Variants in TMEM67 observed in about 807,000 individuals in gnomAD.
The protein encoded by TMEM67 is meckelin.
TMEM67 carries 124 observed loss-of-function variants against 136.6 expected under a neutral mutation model. The observed-to-expected ratio is 0.91, with a 90% CI of 0.78 to 1.05. The LOEUF (loss-of-function observed/expected upper bound fraction) is 1.05, where lower values mean the gene tolerates loss of function less well. TMEM67 is among the 50% of genes least tolerant of loss of function. TMEM67 has a pLI of 0.00. For missense variants in TMEM67, 1,107 were observed against 1,178.4 expected (o/e 0.94, Z 0.89); for synonymous variants, 364 against 390.5 (o/e 0.93, Z 0.80).
chr8:93,755,264 C>CCCGCCT (rs1160901622), intron 1 of TMEM67, 127 bp downstream of exon 1: 28 of 915,666 alleles, frequency 3.1e-5, no homozygotes, highest in Non-Finnish European at 4.6e-5. Flanking sequence ...AGGTGATCCA[C>CCCGCCT]CCGCCTCCGC....
chr8:93,795,151 C>T, intron 16 of TMEM67: 1 of 536,376 alleles, frequency 1.9e-6, no homozygotes, highest in Non-Finnish European at 3.3e-6. Context: ...AATTAGGAAG[C>T]AGTTCAATTT....
chr8:93,814,687 A>G (rs1472087387), intron 26 of TMEM67, among the ~76,000 whole-genome samples: 10 of 139,816 alleles, frequency 7.2e-5, no homozygotes, highest in African/African-American at 2.7e-4. Context: ...GAGTCTGACT[A>G]TGTTGCCTAG....
chr8:93,773,783 A>G (rs1813419466), intron 7 of TMEM67, among the ~76,000 whole-genome samples: 1 of 152,206 alleles, frequency 6.6e-6, no homozygotes, highest in Admixed American at 6.5e-5. Context: ...TGTAAGATCT[A>G]ACATACAAAT....
At chr8:93,774,518 C>A (rs988213594) in intron 7 of TMEM67, among the ~76,000 whole-genome samples, 7 of 152,140 alleles carry the variant, frequency 4.6e-5, no homozygotes, top group Admixed American at 3.9e-4. Flanking sequence ...CCCAGTCCCC[C>A]ACCCAAAGAC....
intron 3 of TMEM67, among the ~76,000 whole-genome samples, chr8:93,760,445 AG>A (rs1812777902): frequency 6.6e-6 from 1 of 152,202 alleles, no homozygotes; most frequent in South Asian, 2.1e-4. Context: ...GAAAACACCC[AG>A]GTTGGGTTTC....
Position 93,804,310 on chromosome 8 carries a change from C to CTTTTTTTT in TMEM67, c.2323-437_2323-430dup, listed in dbSNP as rs1182297223. Among the ~76,000 whole-genome samples, 4 of 93,810 alleles carry CTTTTTTTT rather than the reference C, an allele frequency of 4.3e-5. 1 individual carries two copies. The highest frequency in any genetic ancestry group is 1.2e-4 in the African/African-American group (3 of 24,508). 61.5% of individuals were successfully genotyped at this position (93,810 alleles called of 152,430 possible). A position where few individuals can be genotyped will look rare whatever the true frequency, so the allele number is the denominator to read the frequency against. On this transcript the variant is annotated intron_variant, in intron 22 of 27. Coordinates refer to ENST00000453321, the MANE Select transcript of TMEM67 (RefSeq NM_153704.6). ...TTTCTTTTCTTTTCTCTTTTCTTTTCTTTTTTTTTTTTTTTTTTTTTTGAG... is the reference window on the plus strand; with the variant it reads ...TTTCTTTTCTTTTCTCTTTTCTTTTCTTTTTTTTTTTTTTTTTTTTTTTTTTTTTTGAG...
the TMEM67 span, among the ~76,000 whole-genome samples, chr8:93,831,044 C>T: frequency 3.3e-5 from 5 of 152,252 alleles, no homozygotes; most frequent in Non-Finnish European, 4.4e-5. Flanking sequence ...ACCCACAGCA[C>T]ATCTGGTATA....
chr8:93,783,281 C>T (rs1041995444), intron 11 of TMEM67, among the ~76,000 whole-genome samples: 2 of 152,148 alleles, frequency 1.3e-5, no homozygotes, highest in Admixed American at 6.5e-5. Context: ...CCACCTCGTC[C>T]GGCCTAGAGT....
At position 93,797,201 on chromosome 8, in the gene TMEM67, G is replaced by A. The variant is rs776677392; in HGVS notation, c.1928G>A (p.Arg643Gln). The change falls in exon 19 of 28, where the codon CGA becomes CAA. Residue 643 changes from arginine (R) to glutamine (Q), a missense_variant. Coordinates refer to ENST00000453321, the MANE Select transcript of TMEM67 (RefSeq NM_153704.6). Reference sequence around the variant, plus strand: ...GATGTATTCTTTATTGATTGGGAGCGACCTAAAGGAAAGGTTCTTAAAGCT... The same window carrying A: ...GATGTATTCTTTATTGATTGGGAGCAACCTAAAGGAAAGGTTCTTAAAGCT... Reference protein sequence around the residue: ...TIDVFFIDWERPKGKVLKAVE... With the variant: ...TIDVFFIDWEQPKGKVLKAVE... 4.2e-5 allele frequency: 68 copies of A among 1,613,200 alleles called. No individual in the cohort carries two copies. In the Admixed American group the frequency reaches 9.2e-4, roughly 22 times the overall value.
At chr8:93,758,609 A>G in intron 3 of TMEM67, 33 bp downstream of exon 3, 2 of 1,481,088 alleles carry the variant, frequency 1.4e-6, no homozygotes, top group Non-Finnish European at 1.9e-6. Context: ...AGAAGTAGTG[A>G]TAAATCTTCA....
At chr8:93,805,204 C>T (rs992839353) in intron 23 of TMEM67, among the ~76,000 whole-genome samples, 3 of 152,114 alleles carry the variant, frequency 2.0e-5, no homozygotes, top group Non-Finnish European at 4.4e-5. Flanking sequence ...ATCCTGACCT[C>T]AGGTGATCCA....
In TMEM67 at chr8:93,765,394, T is replaced by C; in HGVS notation, c.507-12T>C. On this transcript the variant is annotated splice_polypyrimidine_tract_variant and intron_variant, in intron 4 of 27. Coordinates refer to ENST00000453321, the MANE Select transcript of TMEM67 (RefSeq NM_153704.6). ...TTAACATTTTTAAAATTATTTTTGT[T>C]ATATTGAACAGGTGCGTCCGATGTG... 3.7e-6 allele frequency: 6 copies of C among 1,604,496 alleles called. No homozygotes were observed. Among genetic ancestry groups the C allele is most frequent in the Non-Finnish European group, 5.1e-6 (6 of 1,173,908 alleles).
chr8:93,812,149 C>CA (rs563320603), intron 26 of TMEM67, among the ~76,000 whole-genome samples: 3,230 of 77,064 alleles, frequency 0.042, 72 homozygotes, highest in African/African-American at 0.1. Context: ...AACTCTGTCT[C>CA]AAAAAAAAAA....
chr8:93,755,904 A>C (rs1248160662), intron 2 of TMEM67, 38 bp downstream of exon 2: 1 of 1,111,550 alleles, frequency 9.0e-7, no homozygotes, highest in African/African-American at 1.6e-5. Flanking sequence ...TACCTGTAAA[A>C]AGTAGTAAGT....
At chr8:93,757,916 C>T (rs1261718705) in intron 2 of TMEM67, among the ~76,000 whole-genome samples, 3 of 151,988 alleles carry the variant, frequency 2.0e-5, no homozygotes, top group Admixed American at 6.6e-5. Flanking sequence ...ACCACCACGC[C>T]CAGCTAATTT....
intron 1 of TMEM67, 148 bp downstream of exon 1, chr8:93,755,285 G>T: frequency 2.4e-6 from 2 of 829,286 alleles, no homozygotes. Flanking sequence ...CTCCCAAAGT[G>T]CTGGGATTAC....
At chr8:93,763,476 A>G (rs1042010052) in intron 3 of TMEM67, among the ~76,000 whole-genome samples, 2 of 152,238 alleles carry the variant, frequency 1.3e-5, no homozygotes, top group Non-Finnish European at 2.9e-5. Context: ...TCAGTAATCT[A>G]TGAAAATACT....
rs115336945 is a variant in TMEM67, at chr8:93,806,190, G to A, written c.2439+1312G>A. Among the ~76,000 whole-genome samples the A allele has an allele frequency of 4.4e-3, 665 of 152,190 alleles. 7 individuals carry two copies. The highest frequency in any genetic ancestry group is 0.015 in the African/African-American group (614 of 41,534). ...AGGAAGGATAATGGTGGCAGTGTAC[G>A]AACTATTACATTATAAGAAAGGTTT... is the stretch of plus-strand genomic sequence containing the variant. On this transcript the variant is annotated intron_variant, in intron 23 of 27. Transcript: ENST00000453321.
At chr8:93,776,125 G>A (rs945769778) in intron 7 of TMEM67, among the ~76,000 whole-genome samples, 1 of 152,122 alleles carries the variant, frequency 6.6e-6, no homozygotes, top group African/African-American at 2.4e-5. Context: ...ATTGTGAATG[G>A]GAGTTCACTC....
Sources: allele counts gnomAD v4.1 joint callset (sites outside exome capture counted in the v4.1 genomes callset), GRCh38; gene constraint gnomAD v4.1.1; transcripts MANE v1.5; gene names NCBI Gene and HGNC (gene_info 2026-07-23, HGNC 2026-07-21).